Variants in ANKRD17 observed in about 807,000 individuals in gnomAD.
The protein encoded by ANKRD17 is ankyrin repeat domain 17.
A neutral mutation model predicts 229.7 loss-of-function variants in ANKRD17; 19 were observed. That is an observed-to-expected ratio of 0.08 (90% confidence interval 0.06 to 0.12). The LOEUF is 0.12. Ranked by LOEUF, ANKRD17 falls within the 10% of genes least tolerant of loss-of-function variation. ANKRD17 has a pLI of 1.00. For missense variants in ANKRD17, 2,176 were observed against 3,176.8 expected, an observed-to-expected ratio of 0.68 and a Z score of 7.57; for synonymous variants, 1,112 against 1,146.1, an observed-to-expected ratio of 0.97 and a Z score of 0.60.
chr4:73,082,459 A>T (rs1018754492), intron 30 of ANKRD17, among the ~76,000 whole-genome samples: 9 of 152,196 alleles, frequency 5.9e-5, no homozygotes, highest in African/African-American at 2.2e-4. Context: ...ACACTGCTGC[A>T]TTCCAGCCTG....
chr4:73,084,618 T>G (rs1721928458), intron 30 of ANKRD17, among the ~76,000 whole-genome samples: 1 of 152,010 alleles, frequency 6.6e-6, no homozygotes, highest in Non-Finnish European at 1.5e-5. Flanking sequence ...CTGGCTAATT[T>G]TTGTATTTTT....
chr4:73,144,433 CAAGA>C (rs1729987105), intron 11 of ANKRD17, among the ~76,000 whole-genome samples: 1 of 152,160 alleles, frequency 6.6e-6, no homozygotes, highest in African/African-American at 2.4e-5. Context: ...TTCCAGGTTT[CAAGA>C]AAGTGCTATA....
At chr4:73,122,281 G>C (rs1362351930) in intron 18 of ANKRD17, among the ~76,000 whole-genome samples, 1 of 152,074 alleles carries the variant, frequency 6.6e-6, no homozygotes, top group African/African-American at 2.4e-5. Flanking sequence ...GAATTTCTGG[G>C]TGTATGGTTT....
At chr4:73,256,697 A>C (rs1278612302) in intron 1 of ANKRD17, among the ~76,000 whole-genome samples, 4 of 152,196 alleles carry the variant, frequency 2.6e-5, no homozygotes, top group Non-Finnish European at 4.4e-5. Context: ...GTACCATAAC[A>C]AATTTTATTA....
chr4:73,226,450 A>G (rs954061547), intron 1 of ANKRD17, among the ~76,000 whole-genome samples: 2 of 121,284 alleles, frequency 1.6e-5, no homozygotes, highest in Non-Finnish European at 3.1e-5. Flanking sequence ...GGTGGAGTGC[A>G]GTGGTGCAAC....
In ANKRD17 at chr4:73,192,326, T is replaced by C. The variant is rs567661436; in HGVS notation, c.394-14793A>G. On this transcript the variant is annotated intron_variant, in intron 1 of 33. Transcript: ENST00000358602. ...GCAGAATGATCTTCACATTGTTAGG[T>C]GGAAAAAAGCAGCCTGAAGCAAAAA... 2.0e-5 allele frequency among the ~76,000 whole-genome samples: 3 copies of C among 151,846 alleles called. No individual in the cohort carries two copies. In the East Asian group the frequency reaches 5.8e-4, roughly 29 times the overall value.
intron 1 of ANKRD17, among the ~76,000 whole-genome samples, chr4:73,180,777 C>T (rs1289736828): frequency 6.6e-6 from 1 of 152,104 alleles, no homozygotes; most frequent in Admixed American, 6.5e-5. Context: ...ATATGAAGGC[C>T]TAAGTACCAG....
At chr4:73,167,202 A>G (rs1181070653) in intron 2 of ANKRD17, among the ~76,000 whole-genome samples, 1 of 152,154 alleles carries the variant, frequency 6.6e-6, no homozygotes, top group Non-Finnish European at 1.5e-5. Flanking sequence ...GGATAAACAT[A>G]CACAGGTTTC....
chr4:73,179,411 T>C (rs1735146800), intron 1 of ANKRD17, among the ~76,000 whole-genome samples: 1 of 146,202 alleles, frequency 6.8e-6, no homozygotes, highest in Non-Finnish European at 1.5e-5. Flanking sequence ...AAATTATATA[T>C]ATATGTGTGT....
chr4:73,153,349 C>G (rs1380662165), intron 6 of ANKRD17, among the ~76,000 whole-genome samples: 3 of 151,964 alleles, frequency 2.0e-5, no homozygotes, highest in Non-Finnish European at 4.4e-5. Flanking sequence ...AATTTACTTT[C>G]TTAAAAAGTA....
At chr4:73,207,907 G>A (rs571466870) in intron 1 of ANKRD17, among the ~76,000 whole-genome samples, 3 of 152,232 alleles carry the variant, frequency 2.0e-5, no homozygotes, top group Admixed American at 1.3e-4. Context: ...AAAAACTTGA[G>A]GCCGGGCACA....
At chr4:73,093,444 C>T (rs1722983984) in intron 28 of ANKRD17, among the ~76,000 whole-genome samples, 2 of 132,682 alleles carry the variant, frequency 1.5e-5, no homozygotes, top group South Asian at 2.3e-4. Context: ...ATGGCTCGAT[C>T]TCGGCTCACC....
intron 2 of ANKRD17, among the ~76,000 whole-genome samples, chr4:73,164,284 GT>G (rs1466152420): frequency 2.6e-5 from 4 of 152,174 alleles, no homozygotes; most frequent in African/African-American, 9.6e-5. Flanking sequence ...ACTAACCACT[GT>G]TTTAAAAAAA....
At chr4:73,226,389 G>GTTTTTTTTTTTTTTTTTT (rs1157719883) in intron 1 of ANKRD17, among the ~76,000 whole-genome samples, 1 of 87,612 alleles carries the variant, frequency 1.1e-5, no homozygotes, top group African/African-American at 4.4e-5. Context: ...CTTTTCTTCT[G>GTTTTTTTTTTTTTTTTTT]TTTTTTTTTT....
At chr4:73,203,757 T>TTAAAAA (rs1345798287) in intron 1 of ANKRD17, among the ~76,000 whole-genome samples, 1 of 13,826 alleles carries the variant, frequency 7.2e-5, no homozygotes, top group Non-Finnish European at 2.3e-4. Context: ...AGACTCCGTC[T>TTAAAAA]CAAAAAAAAA....
At chr4:73,213,095 T>C (rs996134789) in intron 1 of ANKRD17, among the ~76,000 whole-genome samples, 1 of 150,424 alleles carries the variant, frequency 6.6e-6, no homozygotes, top group African/African-American at 2.4e-5. Context: ...AGTCAAATAA[T>C]ATATAATTCA....
At chr4:73,163,853 T>C (rs1732864600) in intron 2 of ANKRD17, among the ~76,000 whole-genome samples, 2 of 152,204 alleles carry the variant, frequency 1.3e-5, no homozygotes, top group African/African-American at 4.8e-5. Context: ...TTTTTATGCT[T>C]TTCTTTAATA....
intron 1 of ANKRD17, among the ~76,000 whole-genome samples, chr4:73,214,729 T>G (rs1184407829): frequency 6.6e-6 from 1 of 151,128 alleles, no homozygotes; most frequent in Non-Finnish European, 1.5e-5. Flanking sequence ...TTAGGCCAGG[T>G]GCAGTCGCTC....
At chr4:73,217,690 T>A (rs973374126) in intron 1 of ANKRD17, among the ~76,000 whole-genome samples, 1 of 152,152 alleles carries the variant, frequency 6.6e-6, no homozygotes, top group African/African-American at 2.4e-5. Context: ...TTTTGAGCAC[T>A]GACATAATGC....
Sources: gnomAD v4.1 joint callset for allele counts (sites outside exome capture counted in the v4.1 genomes callset) on GRCh38, gnomAD v4.1.1 for gene constraint, MANE v1.5 for transcripts, NCBI Gene and HGNC (gene_info 2026-07-23, HGNC 2026-07-21) for gene names.